The following CD300LB variants were observed in gnomAD, a reference collection of about 807,000 sequenced individuals.
The protein encoded by CD300LB is CD300 molecule like family member b, also known as CMRF35-like molecule 7.
Under a neutral mutation model 20.8 loss-of-function variants are expected in CD300LB, and 18 were observed. The ratio of observed to expected loss-of-function variants is 0.87; its 90% CI spans 0.60 to 1.28. CD300LB has a LOEUF of 1.28. Ranked by LOEUF, CD300LB falls within the 50% of genes most tolerant of loss-of-function variation. CD300LB has a pLI of 0.00. For synonymous variants in CD300LB, 91 were observed against 91.3 expected (o/e 1.00, Z 0.02); for missense variants, 222 against 251.8 (o/e 0.88, Z 0.80).
chr17:74,522,819 A>C lies in CD300LB; in HGVS notation c.525T>G (p.Ser175=), dbSNP rs1244391871. The C allele has an allele frequency of 6.2e-7, 1 of 1,614,074 alleles. No homozygotes were observed. Among genetic ancestry groups the C allele is most frequent in the South Asian group, 1.1e-5 (1 of 91,080 alleles). The change falls in exon 4 of 4, where the codon TCT becomes TCG. Residue 175 remains serine, a synonymous_variant. Coordinates refer to ENST00000392621, the MANE Select transcript of CD300LB (RefSeq NM_174892.4). ...LVTAILWLKG[S]QRVPEEPGEQ... is the part of the protein sequence containing the mutation. ...CCCCTGGCTCCTCAGGGACCCTCTG[A>C]GACCCCTTCAACCAGAGGATGGCAG...
In CD300LB at chr17:74,522,664, T is replaced by TAGATGTTCCTTCCACAGCCCGAG; in HGVS notation, c.*51_*73dup. 2 of 1,591,702 alleles carry TAGATGTTCCTTCCACAGCCCGAG rather than the reference T, an allele frequency of 1.3e-6. No individual in the cohort carries two copies. The highest frequency in any genetic ancestry group is 2.2e-5 in the East Asian group (1 of 44,672). ...TCAGTCACTGCATCCCGAGGACTCGTAGATGTTCCTTCCACAGCCCGAGTC... is the reference window on the plus strand; with the variant it reads ...TCAGTCACTGCATCCCGAGGACTCGTAGATGTTCCTTCCACAGCCCGAGAGATGTTCCTTCCACAGCCCGAGTC... On this transcript the variant is annotated 3_prime_UTR_variant, in exon 4 of 4. Transcript: ENST00000392621.
intron 1 of CD300LB, 112 bp downstream of exon 1, chr17:74,531,199 G>T: frequency 2.3e-6 from 3 of 1,290,798 alleles, no homozygotes; most frequent in South Asian, 3.1e-5. Context: ...CACCTTTGTC[G>T]AATGACTTCA....
At chr17:74,527,120 T>C (rs783250) in intron 1 of CD300LB, among the ~76,000 whole-genome samples, 99,817 of 152,140 alleles carry the variant, frequency 0.66, 33,030 homozygotes, top group Middle Eastern at 0.8. Flanking sequence ...GAACTACTCT[T>C]CTTCAGTATT....
chr17:74,525,723 C>T (rs1908009535), intron 2 of CD300LB, 25 bp downstream of exon 2: 1 of 1,602,762 alleles, frequency 6.2e-7, no homozygotes, highest in Non-Finnish European at 8.5e-7. Context: ...CCAGGGCCTC[C>T]TTGTGTAGAT....
chr17:74,521,306 C>T lies in CD300LB; in HGVS notation c.*1432G>A. The T allele has an allele frequency of 4.1e-6, 4 of 975,372 alleles. No individual in the cohort carries two copies. Among genetic ancestry groups the T allele is most frequent in the Non-Finnish European group, 3.7e-6 (3 of 820,756 alleles). 60.4% of individuals were successfully genotyped at this position (975,372 alleles called of 1,614,324 possible). ...GTGAAGCACCATGCTTTGGCTTTCC[C>T]TCCCGCGGAGCGGTGCCGTCCTCCC... On this transcript the variant is annotated 3_prime_UTR_variant, in exon 4 of 4. Coordinates refer to ENST00000392621, the MANE Select transcript of CD300LB (RefSeq NM_174892.4).
In CD300LB at chr17:74,521,557, A is replaced by G; in HGVS notation, c.*1181T>C. On this transcript the variant is annotated 3_prime_UTR_variant, in exon 4 of 4. Transcript: ENST00000392621. The stretch of plus-strand genomic sequence containing the variant: ...GAAAGTTTCTCTTTGGCTGAAGGAC[A>G]AGAAGAGGGGAGGCTCTGGGTGCCA... The G allele has an allele frequency of 2.0e-6, 2 of 985,486 alleles. No homozygotes were observed. The highest frequency in any genetic ancestry group is 5.2e-4 in the Middle Eastern group (1 of 1,916). The allele number at this position is 985,486 out of a possible 1,614,324, so 61.0% of individuals were successfully genotyped here.
intron 3 of CD300LB, chr17:74,523,213 G>A (rs754080384): frequency 1.4e-5 from 7 of 502,652 alleles, no homozygotes; most frequent in Non-Finnish European, 2.2e-5. Flanking sequence ...CTCTGTTCCT[G>A]CTAATGCTAG....
intron 3 of CD300LB, 127 bp downstream of exon 3, chr17:74,523,452 T>A: frequency 1.4e-6 from 1 of 715,328 alleles, no homozygotes; most frequent in Non-Finnish European, 2.6e-6. Flanking sequence ...AGATGGAGGG[T>A]GGGCTTGGGG....
chr17:74,531,364 C>T lies in CD300LB; in HGVS notation c.-14G>A, dbSNP rs772922174. ...GGGCAGCCACATGGCTCTGCCTTCC[C>T]GGCTCCTCGTCCGCCTGATCTGCAA... On this transcript the variant is annotated 5_prime_UTR_variant, in exon 1 of 4. Coordinates refer to ENST00000392621, the MANE Select transcript of CD300LB (RefSeq NM_174892.4). 4.0e-5 allele frequency: 65 copies of T among 1,612,208 alleles called. No individual in the cohort carries two copies. Among genetic ancestry groups the T allele is most frequent in the South Asian group, 1.8e-4 (16 of 90,884 alleles).
At chr17:74,524,176 T>C (rs1260376328) in intron 2 of CD300LB, among the ~76,000 whole-genome samples, 10 of 152,192 alleles carry the variant, frequency 6.6e-5, no homozygotes, top group Non-Finnish European at 4.4e-5. Flanking sequence ...AGCAACCATA[T>C]AGGCAATTTG....
rs1033210596 is a variant in CD300LB at position 74,521,577 on chromosome 17, G to A, written c.*1161C>T. 4.1e-6 allele frequency: 4 copies of A among 985,382 alleles called. No individual in the cohort carries two copies. The highest frequency in any genetic ancestry group is 4.8e-6 in the Non-Finnish European group (4 of 829,966). The allele number at this position is 985,382 out of a possible 1,614,324, so 61.0% of individuals were successfully genotyped here. The stretch of plus-strand genomic sequence containing the variant: ...AGGACAAGAAGAGGGGAGGCTCTGG[G>A]TGCCATGCTAGGGACCAGAGGGTCC... On this transcript the variant is annotated 3_prime_UTR_variant, in exon 4 of 4. Coordinates refer to ENST00000392621, the MANE Select transcript of CD300LB (RefSeq NM_174892.4).
Position 74,522,396 on chromosome 17 carries a change from G to T in CD300LB, c.*342C>A, listed in dbSNP as rs1425447443. 1.9e-6 allele frequency: 2 copies of T among 1,032,152 alleles called. No individual in the cohort carries two copies. Among genetic ancestry groups the T allele is most frequent in the East Asian group, 8.3e-5 (1 of 12,036 alleles). 63.9% of individuals were successfully genotyped at this position (1,032,152 alleles called of 1,614,324 possible). A position where few individuals can be genotyped will look rare whatever the true frequency, so the allele number is the denominator to read the frequency against. On this transcript the variant is annotated 3_prime_UTR_variant, in exon 4 of 4. Transcript: ENST00000392621. ...AATGATGGAAGTCTAGGGCTGGGGG[G>T]GTCTCCCCCAACCTCTTTCTGTACT... is the stretch of plus-strand genomic sequence containing the variant.
intron 1 of CD300LB, among the ~76,000 whole-genome samples, chr17:74,526,877 G>T (rs183821248): frequency 3.3e-5 from 5 of 152,142 alleles, no homozygotes; most frequent in Non-Finnish European, 5.9e-5. Flanking sequence ...AGCACACTGC[G>T]GGGGTACCCA....
intron 1 of CD300LB, among the ~76,000 whole-genome samples, chr17:74,528,613 C>A (rs952402062): frequency 6.6e-6 from 1 of 151,234 alleles, no homozygotes; most frequent in African/African-American, 2.5e-5. Flanking sequence ...TTAGTCAGCT[C>A]TATCCTAGAG....
Position 74,521,189 on chromosome 17 carries a change from G to C in CD300LB, c.*1549C>G. ...CCACACTAGCTCCAGAGAGATTGACGGATTCATTGAATATCAACAGGAAGA... is the reference window on the plus strand; with the variant it reads ...CCACACTAGCTCCAGAGAGATTGACCGATTCATTGAATATCAACAGGAAGA... On this transcript the variant is annotated 3_prime_UTR_variant, in exon 4 of 4. Coordinates refer to ENST00000392621, the MANE Select transcript of CD300LB (RefSeq NM_174892.4). 1 of 200,272 alleles carries C rather than the reference G, an allele frequency of 5.0e-6. No homozygotes were observed. The highest frequency in any genetic ancestry group is 1.7e-4 in the South Asian group (1 of 5,742). The allele number at this position is 200,272 out of a possible 1,614,324, so 12.4% of individuals were successfully genotyped here. A position where few individuals can be genotyped will look rare whatever the true frequency, so the allele number is the denominator to read the frequency against.
rs191431230 is a variant in CD300LB, at chr17:74,521,636, C to G, written c.*1102G>C. 1.4e-4 allele frequency: 137 copies of G among 985,466 alleles called. No homozygotes were observed. In the African/African-American group the frequency reaches 2.3e-3, roughly 17 times the overall value. 61.0% of individuals were successfully genotyped at this position (985,466 alleles called of 1,614,324 possible). ...TTATCCACTGCTGACAGTCAGTACT[C>G]CCTATTAGAACCAAGAGCAGGTTGG... On this transcript the variant is annotated 3_prime_UTR_variant, in exon 4 of 4. Transcript: ENST00000392621.
chr17:74,524,816 G>A (rs544305427), intron 2 of CD300LB, among the ~76,000 whole-genome samples: 4 of 152,104 alleles, frequency 2.6e-5, no homozygotes, highest in Admixed American at 1.3e-4. Flanking sequence ...TCTTTGTACC[G>A]CCTGCATGTC....
chr17:74,526,836 T>C (rs979065630), intron 1 of CD300LB, among the ~76,000 whole-genome samples: 1 of 152,238 alleles, frequency 6.6e-6, no homozygotes, highest in Non-Finnish European at 1.5e-5. Context: ...TGGGAAAAGA[T>C]GTCCCAAGCC....
intron 2 of CD300LB, among the ~76,000 whole-genome samples, chr17:74,524,449 G>A (rs929135741): frequency 7.9e-5 from 12 of 152,066 alleles, no homozygotes; most frequent in Admixed American, 2.0e-4. Context: ...TGAACCAGGC[G>A]TGGTCATGTG....
Sources: gnomAD v4.1 joint callset for allele counts (sites outside exome capture counted in the v4.1 genomes callset) on GRCh38, gnomAD v4.1.1 for gene constraint, MANE v1.5 for transcripts, NCBI Gene and HGNC (gene_info 2026-07-23, HGNC 2026-07-21) for gene names.